RBBP7: variants seen among roughly 807,000 people sequenced by gnomAD.
RBBP7 encodes histone-binding protein RBBP7.
In RBBP7, 5 loss-of-function variants were observed where a neutral mutation model predicts 35.2. That is an observed-to-expected ratio of 0.14 (90% CI 0.07 to 0.30). The LOEUF (loss-of-function observed/expected upper bound fraction) is 0.30. Among genes scored for constraint, RBBP7 ranks in the 10% least tolerant of loss-of-function variants. The pLI is 1.00. For synonymous variants in RBBP7, 140 were observed against 118.7 expected, an observed-to-expected ratio of 1.18 and a Z score of -1.17; for missense variants, 155 against 327.5, an observed-to-expected ratio of 0.47 and a Z score of 4.07.
intron 5 of RBBP7, 45 bp from the exon 6 acceptor site, chrX:16,853,887 G>C: frequency 1.0e-6 from 1 of 963,850 alleles, no homozygotes; most frequent in Non-Finnish European, 1.3e-6. Flanking sequence ...GGCTATAAGA[G>C]ACTGATTTTT....
At chrX:16,855,456 C>T (rs921148244) in intron 5 of RBBP7, among the ~76,000 whole-genome samples, 2 of 111,957 alleles carry the variant, frequency 1.8e-5, no homozygotes, top group African/African-American at 6.5e-5. Flanking sequence ...TCTGTTGTTA[C>T]TTACACATGA....
At chrX:16,858,408 G>A (rs779975886) in intron 4 of RBBP7, among the ~76,000 whole-genome samples, 2 of 111,654 alleles carry the variant, frequency 1.8e-5, no homozygotes, top group Non-Finnish European at 3.8e-5. Context: ...TCAGACGCCT[G>A]TAGCTAACCC....
rs763658778 is a variant in RBBP7, at chrX:16,870,061, C to T, written c.-8G>A. On this transcript the variant is annotated 5_prime_UTR_variant, in exon 1 of 12. Transcript: ENST00000380087. ...ACTCTCTTTACTCGCCATCTTGCGT[C>T]GGGTCGTTCGCCCCTCGCCGCCGCC... is the stretch of plus-strand genomic sequence containing the variant. The T allele has an allele frequency of 9.2e-6, 10 of 1,083,249 alleles. No individual in the cohort carries two copies. Among genetic ancestry groups the T allele is most frequent in the Admixed American group, 5.5e-5 (2 of 36,496 alleles). 89.3% of individuals were successfully genotyped at this position (1,083,249 alleles called of 1,213,427 possible).
intron 8 of RBBP7, 126 bp from the exon 9 acceptor site, chrX:16,852,248 C>G (rs1930226708): frequency 3.1e-6 from 2 of 640,220 alleles, no homozygotes; most frequent in Admixed American, 5.7e-5. Flanking sequence ...GATGGCCTCA[C>G]TCTCTTGTCC....
intron 4 of RBBP7, 126 bp downstream of exon 4, chrX:16,858,549 TA>T: frequency 9.7e-7 from 1 of 1,026,391 alleles, no homozygotes; most frequent in African/African-American, 1.9e-5. Context: ...TGAGGATGGT[TA>T]TGGGACCCCC....
intron 2 of RBBP7, among the ~76,000 whole-genome samples, chrX:16,864,355 A>G (rs1202685586): frequency 9.1e-6 from 1 of 110,287 alleles, no homozygotes; most frequent in Non-Finnish European, 1.9e-5. Flanking sequence ...CCCCATCTCT[A>G]TTAAAAATAC....
chrX:16,851,295 C>T (rs1293620785), intron 9 of RBBP7, among the ~76,000 whole-genome samples: 2 of 111,555 alleles, frequency 1.8e-5, no homozygotes, highest in African/African-American at 6.5e-5. Flanking sequence ...GATATTCAAC[C>T]TGTACTAAAT....
chrX:16,868,960 G>A, intron 2 of RBBP7, 116 bp downstream of exon 2: 1 of 785,624 alleles, frequency 1.3e-6, no homozygotes, highest in South Asian at 3.1e-5. Context: ...AAAACCACCT[G>A]CCACCTCATG....
In RBBP7 at chrX:16,858,559, C is replaced by T. The variant is rs113214827; in HGVS notation, c.481+117G>A. 14 of 1,065,659 alleles carry T rather than the reference C, an allele frequency of 1.3e-5. No homozygotes were observed. The African/African-American group carries it at 1.5e-4, about 11-fold the overall frequency. The allele number at this position is 1,065,659 out of a possible 1,213,427, so 87.8% of individuals were successfully genotyped here. On this transcript the variant is annotated intron_variant, in intron 4 of 11. Coordinates refer to ENST00000380087, the MANE Select transcript of RBBP7 (RefSeq NM_002893.4). ...GAACTTGAGGATGGTTATGGGACCCCCAAAGCAATTTTTAAACCTTTAAAT... is the reference window on the plus strand; with the variant it reads ...GAACTTGAGGATGGTTATGGGACCCTCAAAGCAATTTTTAAACCTTTAAAT...
intron 8 of RBBP7, 59 bp from the exon 9 acceptor site, chrX:16,852,181 C>T: frequency 1.0e-6 from 1 of 971,459 alleles, no homozygotes; most frequent in Non-Finnish European, 1.5e-6. Context: ...AGGTTTGTGG[C>T]TGTTGTTCTA....
At chrX:16,849,857 T>C (rs992603941) in intron 9 of RBBP7, among the ~76,000 whole-genome samples, 2 of 112,415 alleles carry the variant, frequency 1.8e-5, no homozygotes, top group African/African-American at 3.2e-5. Flanking sequence ...ATCAGTACTA[T>C]AGATCTGTCT....
intron 5 of RBBP7, among the ~76,000 whole-genome samples, chrX:16,856,485 G>A (rs776205907): frequency 9.1e-6 from 1 of 110,420 alleles, no homozygotes; most frequent in African/African-American, 3.3e-5. Flanking sequence ...AGCTGAGATC[G>A]TGCCACTATA....
intron 2 of RBBP7, among the ~76,000 whole-genome samples, chrX:16,868,509 G>A (rs1316108968): frequency 1.8e-5 from 2 of 112,497 alleles, no homozygotes; most frequent in African/African-American, 6.5e-5. Flanking sequence ...ATAAATGCCA[G>A]CAATTATTAC....
intron 10 of RBBP7, chrX:16,848,885 C>T (rs1299302261): frequency 7.6e-6 from 1 of 131,366 alleles, no homozygotes; most frequent in Non-Finnish European, 1.5e-5. Context: ...ACTTAAAAAG[C>T]ATTTAAAATT....
chrX:16,870,100 G>C lies in RBBP7; in HGVS notation c.-47C>G. ...CTCGCCGCCGCCTCGGACTCCTCTCGTTAGCCAAGAGCAGCCCGACCGCTG... is the reference window on the plus strand; with the variant it reads ...CTCGCCGCCGCCTCGGACTCCTCTCCTTAGCCAAGAGCAGCCCGACCGCTG... On this transcript the variant is annotated 5_prime_UTR_variant, in exon 1 of 12. Transcript: ENST00000380087. 9.4e-7 allele frequency: 1 copy of C among 1,065,178 alleles called. No individual in the cohort carries two copies. The highest frequency in any genetic ancestry group is 1.2e-6 in the Non-Finnish European group (1 of 815,528). The allele number at this position is 1,065,178 out of a possible 1,213,427, so 87.8% of individuals were successfully genotyped here. A position where few individuals can be genotyped will look rare whatever the true frequency, so the allele number is the denominator to read the frequency against.
At chrX:16,869,485 T>C in intron 1 of RBBP7, 1 of 1,165,809 alleles carries the variant, frequency 8.6e-7, no homozygotes, top group Non-Finnish European at 1.1e-6. Context: ...CTGTTACAGC[T>C]GTTCGCACCT....
intron 6 of RBBP7, 92 bp downstream of exon 6, chrX:16,853,590 A>T (rs1930266537): frequency 1.3e-5 from 5 of 388,267 alleles, no homozygotes; most frequent in Non-Finnish European, 1.8e-5. Flanking sequence ...GCCATAACTT[A>T]AAAAAAAAAA....
chrX:16,864,946 AG>A (rs1181200178), intron 2 of RBBP7, among the ~76,000 whole-genome samples: 1 of 108,154 alleles, frequency 9.2e-6, no homozygotes, highest in Non-Finnish European at 1.9e-5. Flanking sequence ...TTAAAATGAA[AG>A]GGTAAGCCAG....
intron 5 of RBBP7, among the ~76,000 whole-genome samples, chrX:16,855,195 G>A (rs1328105010): frequency 1.8e-5 from 2 of 110,387 alleles, no homozygotes; most frequent in Admixed American, 1.9e-4. Flanking sequence ...GATTACAGGT[G>A]TATGCCACCA....
Sources: gnomAD v4.1 joint callset for allele counts (sites outside exome capture counted in the v4.1 genomes callset) on GRCh38, gnomAD v4.1.1 for gene constraint, MANE v1.5 for transcripts, NCBI Gene and HGNC (gene_info 2026-07-23, HGNC 2026-07-21) for gene names.